DAB1: variants seen among roughly 807,000 people sequenced by gnomAD.
DAB1 encodes disabled homolog 1.
Under a neutral mutation model 64.6 loss-of-function variants are expected in DAB1, and 15 were observed. The ratio of observed to expected loss-of-function variants is 0.23; its 90% CI spans 0.16 to 0.36. The LOEUF (loss-of-function observed/expected upper bound fraction) is 0.36. DAB1 is among the 10% of genes least tolerant of loss of function. The probability of loss-of-function intolerance (pLI) is 1.00; values close to 1 mark genes in which losing one functional copy is unlikely to be tolerated. For synonymous variants in DAB1, 235 were observed against 251.9 expected (o/e 0.93, Z 0.64); for missense variants, 596 against 706.7 (o/e 0.84, Z 1.78).
chr1:57,489,523 A>C (rs965178873), intron 7 of DAB1, among the ~76,000 whole-genome samples: 6 of 152,168 alleles, frequency 3.9e-5, no homozygotes, highest in Non-Finnish European at 7.3e-5. Flanking sequence ...GTTTCTTCTC[A>C]CCATGCTCAC....
At chr1:57,405,756 T>C (rs919789869) in intron 1 of DAB1, among the ~76,000 whole-genome samples, 1 of 152,204 alleles carries the variant, frequency 6.6e-6, no homozygotes, top group East Asian at 1.9e-4. Flanking sequence ...CTTGTAGTTC[T>C]TATAACAGGA....
chr1:58,307,212 T>A (rs1662327373), intron 4 of DAB1, among the ~76,000 whole-genome samples: 1 of 152,214 alleles, frequency 6.6e-6, no homozygotes, highest in African/African-American at 2.4e-5. Flanking sequence ...TAAGGCAATG[T>A]CTTAAAAGTA....
chr1:57,093,719 A>C (rs1286721693), intron 4 of DAB1, among the ~76,000 whole-genome samples: 1 of 152,158 alleles, frequency 6.6e-6, no homozygotes, highest in Non-Finnish European at 1.5e-5. Context: ...AGGCTGGTAA[A>C]ATGGGAATAG....
intron 7 of DAB1, among the ~76,000 whole-genome samples, chr1:57,502,116 C>T (rs1467414025): frequency 6.6e-6 from 1 of 151,820 alleles, no homozygotes; most frequent in East Asian, 1.9e-4. Flanking sequence ...GTCAGGAGAT[C>T]GAGACCATCC....
Position 57,600,593 on chromosome 1 carries a change from A to C in DAB1, n.625+48999T>G, listed in dbSNP as rs374127556. Reference sequence around the variant, plus strand: ...CTGGGGGGTCGGGATGGGTTAAGGCAGGGCCTCTTTGAACCACAGAGAGGA... The same window carrying C: ...CTGGGGGGTCGGGATGGGTTAAGGCCGGGCCTCTTTGAACCACAGAGAGGA... On this transcript the variant is annotated intron_variant and non_coding_transcript_variant, in intron 7 of 20. Coordinates refer to the DAB1 transcript ENST00000485760. 5.3e-5 allele frequency among the ~76,000 whole-genome samples: 8 copies of C among 152,168 alleles called. No individual in the cohort carries two copies. In the East Asian group the frequency reaches 5.8e-4, roughly 11 times the overall value.
rs28729839 is a variant in DAB1 at position 57,334,688 on chromosome 1, A to C, written c.-136-43522T>G. On this transcript the variant is annotated intron_variant, in intron 1 of 14. Coordinates refer to ENST00000371236, the MANE Select transcript of DAB1 (RefSeq NM_001365792.1). The stretch of plus-strand genomic sequence containing the variant: ...CTTTCCATACGATAAGCATTGTTTT[A>C]AGCTTTACGTATGGTAACTCCTACT... Among the ~76,000 whole-genome samples the C allele has an allele frequency of 4.7e-4, 72 of 152,336 alleles. No individual in the cohort carries two copies. The East Asian group carries it at 6.8e-3, about 14-fold the overall frequency.
At chr1:57,550,261 C>A (rs922761172) in intron 7 of DAB1, among the ~76,000 whole-genome samples, 24 of 152,126 alleles carry the variant, frequency 1.6e-4, no homozygotes, top group African/African-American at 5.6e-4. Flanking sequence ...GTATTGCATG[C>A]CATTCACAGA....
intron 8 of DAB1, among the ~76,000 whole-genome samples, chr1:57,063,349 G>A (rs951116995): frequency 2.0e-5 from 3 of 152,182 alleles, no homozygotes; most frequent in Non-Finnish European, 4.4e-5. Flanking sequence ...ACTGTTCAAT[G>A]CTGAGGCTGA....
chr1:57,698,923 T>C (rs1048536467), intron 6 of DAB1, among the ~76,000 whole-genome samples: 4 of 152,212 alleles, frequency 2.6e-5, no homozygotes, highest in Admixed American at 6.5e-5. Flanking sequence ...CCATGTTCTT[T>C]TTAAAAAATT....
intron 4 of DAB1, among the ~76,000 whole-genome samples, chr1:58,302,821 TA>T (rs1371008125): frequency 3.3e-5 from 5 of 152,222 alleles, no homozygotes; most frequent in African/African-American, 1.2e-4. Flanking sequence ...TTTTCATTAC[TA>T]TTTTTTTAAA....
intron 4 of DAB1, among the ~76,000 whole-genome samples, chr1:58,266,038 CCCA>C (rs6143228): frequency 6.7e-6 from 1 of 150,074 alleles, no homozygotes; most frequent in Non-Finnish European, 1.5e-5. Context: ...ACACATACAC[CCCA>C]CCACCACCAC....
chr1:58,203,162 G>C (rs1435582647), intron 4 of DAB1, among the ~76,000 whole-genome samples: 1 of 152,200 alleles, frequency 6.6e-6, no homozygotes, highest in Non-Finnish European at 1.5e-5. Flanking sequence ...CCCAGTGGAT[G>C]CTTTGGTAAA....
chr1:57,647,647 C>T (rs150459528), intron 7 of DAB1, among the ~76,000 whole-genome samples: 12 of 152,304 alleles, frequency 7.9e-5, no homozygotes, highest in Non-Finnish European at 1.3e-4. Flanking sequence ...AGGATGAATA[C>T]TTTTAAAACA....
At chr1:57,287,903 C>T (rs895914971) in intron 2 of DAB1, among the ~76,000 whole-genome samples, 3 of 152,062 alleles carry the variant, frequency 2.0e-5, no homozygotes, top group Non-Finnish European at 2.9e-5. Context: ...TCAAGCGATT[C>T]TCCTGCCTCA....
At chr1:58,528,690 C>T (rs1646388148) in intron 1 of DAB1, among the ~76,000 whole-genome samples, 1 of 152,128 alleles carries the variant, frequency 6.6e-6, no homozygotes, top group African/African-American at 2.4e-5. Flanking sequence ...ATTGAGAAAT[C>T]CTGCTTTAAA....
At chr1:57,361,359 A>G (rs1679536372) in intron 1 of DAB1, among the ~76,000 whole-genome samples, 1 of 152,182 alleles carries the variant, frequency 6.6e-6, no homozygotes, top group Non-Finnish European at 1.5e-5. Flanking sequence ...CTCAGATCAC[A>G]TAAATATGAC....
At chr1:58,380,429 GT>G (rs1309518386) in intron 3 of DAB1, among the ~76,000 whole-genome samples, 24 of 152,192 alleles carry the variant, frequency 1.6e-4, no homozygotes, top group African/African-American at 5.8e-4. Flanking sequence ...AATTAAACCT[GT>G]TTTCTTCATG....
At chr1:58,536,800 C>A in intron 1 of DAB1, 1 of 809,950 alleles carries the variant, frequency 1.2e-6, no homozygotes. Context: ...ATCACTAAAG[C>A]TCAAATGCAT....
chr1:57,350,475 G>T (rs930730807), intron 1 of DAB1, among the ~76,000 whole-genome samples: 2 of 152,130 alleles, frequency 1.3e-5, no homozygotes, highest in African/African-American at 2.4e-5. Flanking sequence ...TTTAGTGACA[G>T]GAGATCAGGA....
Sources: gnomAD v4.1 joint callset for allele counts (sites outside exome capture counted in the v4.1 genomes callset) on GRCh38, gnomAD v4.1.1 for gene constraint, MANE v1.5 for transcripts, NCBI Gene and HGNC (gene_info 2026-07-23, HGNC 2026-07-21) for gene names.